The following CREB5 variants were observed in gnomAD, a reference collection of about 807,000 sequenced individuals.
CREB5 encodes cyclic AMP-responsive element-binding protein 5.
Under a neutral mutation model 57.1 loss-of-function variants are expected in CREB5, and 19 were observed. That is an observed-to-expected ratio of 0.33 (90% confidence interval 0.23 to 0.49). CREB5 has a LOEUF of 0.49. Ranked by LOEUF, CREB5 falls within the 20% of genes least tolerant of loss-of-function variation. The pLI is 0.99. For missense variants in CREB5, 579 were observed against 671.6 expected, an observed-to-expected ratio of 0.86 and a Z score of 1.52; for synonymous variants, 238 against 238.3, an observed-to-expected ratio of 1.00 and a Z score of 0.01.
chr7:28,455,211 T>G (rs1402278758), intron 1 of CREB5, among the ~76,000 whole-genome samples: 1 of 152,164 alleles, frequency 6.6e-6, no homozygotes, highest in Admixed American at 6.5e-5. Flanking sequence ...CCCAGACACA[T>G]TTGGAAATGC....
chr7:28,480,455 G>A (rs921760152), intron 1 of CREB5, among the ~76,000 whole-genome samples: 1 of 152,166 alleles, frequency 6.6e-6, no homozygotes, highest in Non-Finnish European at 1.5e-5. Context: ...AAATAGAGAT[G>A]ACAGGGTCGA....
chr7:28,415,878 ATCTG>A (rs1788004404), intron 1 of CREB5, among the ~76,000 whole-genome samples: 1 of 152,198 alleles, frequency 6.6e-6, no homozygotes, highest in African/African-American at 2.4e-5. Context: ...TTTGCCTAGG[ATCTG>A]TCTGTAATAC....
intron 5 of CREB5, among the ~76,000 whole-genome samples, chr7:28,691,695 A>G (rs1429394965): frequency 6.6e-6 from 1 of 152,140 alleles, no homozygotes; most frequent in African/African-American, 2.4e-5. Context: ...CTAAGCTGCA[A>G]AAGGGCATAT....
chr7:28,535,366 A>G lies in CREB5; in HGVS notation c.291+27629A>G, dbSNP rs1793910847. The stretch of plus-strand genomic sequence containing the variant: ...AGGAGGGAAGGATGGAAGGGAGGAA[A>G]GGTGGAAGGGAGGAAGGGAGGAGGA... On this transcript the variant is annotated intron_variant, in intron 4 of 10. Transcript: ENST00000357727. Among the ~76,000 whole-genome samples, 3 of 136,396 alleles carry G rather than the reference A, an allele frequency of 2.2e-5. No homozygotes were observed. In the South Asian group the frequency reaches 6.8e-4, roughly 31 times the overall value. 89.5% of individuals were successfully genotyped at this position (136,396 alleles called of 152,430 possible). A position where few individuals can be genotyped will look rare whatever the true frequency, so the allele number is the denominator to read the frequency against.
In CREB5 at chr7:28,724,351, C is replaced by A; in HGVS notation, c.702+19C>A. On this transcript the variant is annotated intron_variant, in intron 7 of 10. Coordinates refer to ENST00000357727, the MANE Select transcript of CREB5 (RefSeq NM_182898.4). ...CAAAATGGTAAGTAACAGTTATAAT[C>A]ACCCTTTCATTATTCTGTGACTTTT... 1 of 1,581,840 alleles carries A rather than the reference C, an allele frequency of 6.3e-7. No individual in the cohort carries two copies. The highest frequency in any genetic ancestry group is 8.7e-7 in the Non-Finnish European group (1 of 1,151,430).
chr7:28,369,983 G>A (rs1321994937), intron 1 of CREB5, among the ~76,000 whole-genome samples: 1 of 152,162 alleles, frequency 6.6e-6, no homozygotes, highest in Non-Finnish European at 1.5e-5. Flanking sequence ...AACCCTAGCA[G>A]CTACTTTTTT....
At chr7:28,719,858 G>C (rs1428195761) in intron 6 of CREB5, among the ~76,000 whole-genome samples, 1 of 152,092 alleles carries the variant, frequency 6.6e-6, no homozygotes, top group South Asian at 2.1e-4. Context: ...TCAAGAGATC[G>C]AGACCAGCCT....
intron 3 of CREB5, among the ~76,000 whole-genome samples, chr7:28,498,462 G>C (rs1292122856): frequency 6.6e-6 from 1 of 152,176 alleles, no homozygotes; most frequent in Non-Finnish European, 1.5e-5. Context: ...AAATATTGTA[G>C]TTGGGGAAGG....
chr7:28,797,330 T>C (rs1228688834), intron 7 of CREB5, among the ~76,000 whole-genome samples: 2 of 152,228 alleles, frequency 1.3e-5, no homozygotes, highest in African/African-American at 4.8e-5. Flanking sequence ...CATTTCCCAA[T>C]GGACTAGAGT....
intron 1 of CREB5, among the ~76,000 whole-genome samples, chr7:28,413,849 G>A (rs1787912085): frequency 6.6e-6 from 1 of 152,032 alleles, no homozygotes; most frequent in South Asian, 2.1e-4. Context: ...ACAATGATTT[G>A]TCAGTTTCCC....
intron 5 of CREB5, among the ~76,000 whole-genome samples, chr7:28,659,883 T>C (rs900687235): frequency 4.6e-5 from 7 of 152,124 alleles, no homozygotes; most frequent in Admixed American, 2.0e-4. Flanking sequence ...AGTGGTATCA[T>C]TATTGGATCA....
chr7:28,407,156 T>C (rs1267711425), intron 1 of CREB5, among the ~76,000 whole-genome samples: 3 of 152,014 alleles, frequency 2.0e-5, no homozygotes, highest in Non-Finnish European at 4.4e-5. Context: ...TTCAAGCGAT[T>C]CTCCTGCCTC....
chr7:28,469,690 T>C (rs1216377582), intron 1 of CREB5, among the ~76,000 whole-genome samples: 1 of 152,230 alleles, frequency 6.6e-6, no homozygotes, highest in Non-Finnish European at 1.5e-5. Context: ...GGCAGTTACA[T>C]AGCACTTACC....
intron 1 of CREB5, among the ~76,000 whole-genome samples, chr7:28,438,692 C>G (rs1194275707): frequency 1.3e-5 from 2 of 152,142 alleles, no homozygotes; most frequent in Non-Finnish European, 2.9e-5. Context: ...TTTGGAAATA[C>G]TGAAAATTGA....
intron 7 of CREB5, among the ~76,000 whole-genome samples, chr7:28,760,294 A>G (rs1320658855): frequency 1.3e-5 from 2 of 152,296 alleles, no homozygotes; most frequent in East Asian, 1.9e-4. Flanking sequence ...AGGAGACTCA[A>G]TTGGGTATCT....
At chr7:28,316,149 A>G (rs1274029074) in intron 1 of CREB5, among the ~76,000 whole-genome samples, 2 of 152,180 alleles carry the variant, frequency 1.3e-5, no homozygotes, top group Non-Finnish European at 2.9e-5. Flanking sequence ...TTAGTTTTGC[A>G]TGTGCTTGAG....
At chr7:28,300,089 T>C (rs929774798) in intron 1 of CREB5, among the ~76,000 whole-genome samples, 1 of 99,204 alleles carries the variant, frequency 1.0e-5, no homozygotes, top group Non-Finnish European at 2.3e-5. Context: ...TTTATTTATT[T>C]ATTTATTTAT....
At chr7:28,407,978 C>T (rs1275928546), upstream of CREB5, among the ~76,000 whole-genome samples, 2 of 152,166 alleles carry the variant, frequency 1.3e-5, no homozygotes, top group Non-Finnish European at 2.9e-5. Flanking sequence ...TTAACGAGGG[C>T]TAAACTGTTT....
At chr7:28,620,159 G>A (rs73684219) in intron 5 of CREB5, among the ~76,000 whole-genome samples, 2,901 of 152,226 alleles carry the variant, frequency 0.019, 98 homozygotes, top group African/African-American at 0.067. Context: ...AATTTTTGCA[G>A]TCGTCTCATA....
Sources: allele counts gnomAD v4.1 joint callset (sites outside exome capture counted in the v4.1 genomes callset), GRCh38; gene constraint gnomAD v4.1.1; transcripts MANE v1.5; gene names NCBI Gene and HGNC (gene_info 2026-07-23, HGNC 2026-07-21).